The following SIPA1L2 variants were observed in gnomAD, a reference collection of about 807,000 sequenced individuals.
SIPA1L2 encodes the protein signal induced proliferation associated 1 like 2.
A neutral mutation model predicts 163.9 loss-of-function variants in SIPA1L2; 56 were observed. The observed-to-expected ratio is 0.34, with a 90% CI of 0.28 to 0.43. The LOEUF is 0.43. SIPA1L2 is among the 20% of genes least tolerant of loss of function. The pLI, the probability that SIPA1L2 is intolerant of heterozygous loss-of-function variation, is 1.00. For missense variants in SIPA1L2, 1,974 were observed against 2,193.5 expected (o/e 0.90, Z 2.00); for synonymous variants, 877 against 865.7 (o/e 1.01, Z -0.23).
At chr1:232,608,169 C>T (rs1662062836) in intron 1 of SIPA1L2, among the ~76,000 whole-genome samples, 1 of 152,110 alleles carries the variant, frequency 6.6e-6, no homozygotes, top group African/African-American at 2.4e-5. Flanking sequence ...CCTCAGCCTC[C>T]TGAGTAGCTG....
At position 232,398,882 on chromosome 1, in the gene SIPA1L2, C is replaced by A; in HGVS notation, c.*245G>T. On this transcript the variant is annotated 3_prime_UTR_variant, in exon 23 of 23. Coordinates refer to ENST00000674635, the MANE Select transcript of SIPA1L2 (RefSeq NM_020808.5). ...TAAAAGAAAAAGGTCTCAACTGTCG[C>A]CAGGGTTTACATTCATCTTCACACC... The A allele has an allele frequency of 2.1e-6, 1 of 469,494 alleles. No homozygotes were observed. The highest frequency in any genetic ancestry group is 3.8e-6 in the Non-Finnish European group (1 of 264,224). The allele number at this position is 469,494 out of a possible 1,614,324, so 29.1% of individuals were successfully genotyped here.
intron 1 of SIPA1L2, among the ~76,000 whole-genome samples, chr1:232,593,129 T>C (rs1661051161): frequency 6.6e-6 from 1 of 152,222 alleles, no homozygotes; most frequent in African/African-American, 2.4e-5. Flanking sequence ...TTATTACATA[T>C]TGTATCACGT....
At chr1:232,466,638 A>C (rs1021519228) in intron 8 of SIPA1L2, among the ~76,000 whole-genome samples, 2 of 152,118 alleles carry the variant, frequency 1.3e-5, no homozygotes, top group Non-Finnish European at 2.9e-5. Context: ...AAAATACAAA[A>C]AAATTAGCCG....
At chr1:232,479,596 C>G in intron 7 of SIPA1L2, 31 bp downstream of exon 7, 1 of 1,564,124 alleles carries the variant, frequency 6.4e-7, no homozygotes, top group South Asian at 1.1e-5. Flanking sequence ...TCATACTCAG[C>G]GTAAAAAGCT....
rs1467063467 is a variant in SIPA1L2 at position 232,432,311 on chromosome 1, T to A, written c.4192A>T (p.Ile1398Phe). ...CTGCCCTCCGATTTCTTCCAGCCGA[T>A]GACATATTTGTTCACTGCCCCTTGT... is the stretch of plus-strand genomic sequence containing the variant. ...HRQGAVNKYV[I>F]GWKKSEGSPP... Residue 1398 changes from isoleucine to phenylalanine, a missense_variant, in exon 16 of 23, where the codon ATC becomes TTC. Ile to Phe is a conservative substitution (Grantham distance 21). This residue lies in a region of SIPA1L2 where 1,079 missense variants were observed against 1,150.7 expected (regional missense o/e 0.94). Coordinates refer to ENST00000674635, the MANE Select transcript of SIPA1L2 (RefSeq NM_020808.5). 1 of 1,614,208 alleles carries A rather than the reference T, an allele frequency of 6.2e-7. No individual in the cohort carries two copies. Among genetic ancestry groups the A allele is most frequent in the Non-Finnish European group, 8.5e-7 (1 of 1,180,036 alleles).
At chr1:232,612,584 C>T (rs1334538207) in intron 1 of SIPA1L2, among the ~76,000 whole-genome samples, 1 of 152,214 alleles carries the variant, frequency 6.6e-6, no homozygotes, top group African/African-American at 2.4e-5. Flanking sequence ...GAATTTCAGA[C>T]TTGCATGGGC....
At chr1:232,570,945 T>TAAAA (rs11300623) in intron 2 of SIPA1L2, among the ~76,000 whole-genome samples, 1 of 76,786 alleles carries the variant, frequency 1.3e-5, no homozygotes, top group African/African-American at 3.9e-5. Flanking sequence ...CCAGAAACTA[T>TAAAA]AAAAAAAAAA....
chr1:232,428,513 C>T lies in SIPA1L2; in HGVS notation c.4308G>A (p.Val1436=), dbSNP rs1558168075. 1.3e-6 allele frequency: 2 copies of T among 1,595,802 alleles called. No individual in the cohort carries two copies. The highest frequency in any genetic ancestry group is 1.7e-6 in the Non-Finnish European group (2 of 1,172,732). Residue 1436 remains valine (V), a synonymous_variant, in exon 17 of 23, where the codon GTG becomes GTA. Coordinates refer to ENST00000674635, the MANE Select transcript of SIPA1L2 (RefSeq NM_020808.5). ...GAGTCTCTGCAACAGCATCTCCCAC[C>T]ACTGTCTGATGCTGAGTTGCTGTGG... The part of the protein sequence containing the change: ...VMSTATQHQT[V]VGDAVAETQH...
chr1:232,454,940 C>CA (rs1663808579), intron 10 of SIPA1L2, among the ~76,000 whole-genome samples: 1 of 152,192 alleles, frequency 6.6e-6, no homozygotes, highest in African/African-American at 2.4e-5. Context: ...CCTTGAAAGT[C>CA]AGATTACATC....
chr1:232,402,403 C>G lies in SIPA1L2; in HGVS notation c.5011G>C (p.Asp1671His). Residue 1671 changes from aspartate to histidine, a missense_variant, in exon 22 of 23, where the codon GAC (aspartate) becomes CAC (histidine). This residue lies in a region of SIPA1L2 where 1,079 missense variants were observed against 1,150.7 expected (regional missense o/e 0.94). Transcript: ENST00000674635. ...LELILRQLQT[D>H]LRKEKQDKAV... ...TTCCAATTGATTACCTTCCGAAGGT[C>G]GGTCTGGAGTTGTCGAAGAATTAAT... The G allele has an allele frequency of 6.2e-7, 1 of 1,613,246 alleles. No homozygotes were observed. Among genetic ancestry groups the G allele is most frequent in the Non-Finnish European group, 8.5e-7 (1 of 1,179,426 alleles).
intron 10 of SIPA1L2, among the ~76,000 whole-genome samples, chr1:232,451,440 C>G (rs1350072131): frequency 2.0e-5 from 3 of 152,168 alleles, no homozygotes; most frequent in South Asian, 2.1e-4. Context: ...GTGGATGGGG[C>G]ACATGGCAAA....
rs1413445777 is a variant in SIPA1L2, at chr1:232,483,725, T to C, written c.1981+67A>G. On this transcript the variant is annotated intron_variant, in intron 6 of 22. Transcript: ENST00000674635. ...ACAGGAGGGCATGTGATCACTTACTTGGATTTATGAAGCATGCCTACCTTT... is the reference window on the plus strand; with the variant it reads ...ACAGGAGGGCATGTGATCACTTACTCGGATTTATGAAGCATGCCTACCTTT... The C allele has an allele frequency of 2.2e-5, 34 of 1,578,270 alleles. No individual in the cohort carries two copies. The East Asian group carries it at 7.7e-4, about 36-fold the overall frequency.
rs1665507111 is a variant in SIPA1L2, at chr1:232,483,799, G to A, written c.1974C>T (p.Asp658=). 1.2e-6 allele frequency: 2 copies of A among 1,613,702 alleles called. No homozygotes were observed. Among genetic ancestry groups the A allele is most frequent in the African/African-American group, 1.3e-5 (1 of 74,862 alleles). The change falls in exon 6 of 23, where the codon GAC becomes GAT. Residue 658 remains aspartate, a synonymous_variant. Transcript: ENST00000674635. ...KGFSKYRAQL[D]NKTDSTGTHS... ...CACAAACATTAAACTTACTCTTATT[G>A]TCTAGCTGAGCTCGATATTTACTAA...
At chr1:232,445,487 G>T (rs750437767) in intron 11 of SIPA1L2, 42 bp downstream of exon 11, 55 of 1,611,240 alleles carry the variant, frequency 3.4e-5, no homozygotes, top group Non-Finnish European at 4.4e-5. Flanking sequence ...TCACCCCAGT[G>T]ATTTACAAGG....
chr1:232,419,716 C>G (rs2102793099), intron 18 of SIPA1L2, among the ~76,000 whole-genome samples: 1 of 152,316 alleles, frequency 6.6e-6, no homozygotes, highest in Non-Finnish European at 1.5e-5. Context: ...CCTGAACAGC[C>G]TGAAGAACCA....
intron 7 of SIPA1L2, 143 bp downstream of exon 7, chr1:232,479,484 G>C (rs1293519283): frequency 1.5e-5 from 10 of 663,772 alleles, no homozygotes; most frequent in Non-Finnish European, 2.4e-5. Context: ...ACTTCCAAAT[G>C]ATCAAAGAGT....
rs1887051 is a variant in SIPA1L2 at position 232,479,912 on chromosome 1, T to G, written c.1982-182A>C. ...GTTTCTACCACTCCCGCTCCAGGAC[T>G]GTGGACTGAGAGGCTCCTTTCCTTC... On this transcript the variant is annotated intron_variant, in intron 6 of 22. Transcript: ENST00000674635. Among the ~76,000 whole-genome samples, 815 of 152,320 alleles carry G rather than the reference T, an allele frequency of 5.4e-3. 5 individuals are homozygous for G. The highest frequency in any genetic ancestry group is 0.01 in the Middle Eastern group (3 of 294).
chr1:232,483,547 A>ATC (rs1037850822), intron 6 of SIPA1L2, among the ~76,000 whole-genome samples: 18 of 152,328 alleles, frequency 1.2e-4, no homozygotes, highest in Admixed American at 1.2e-3. Flanking sequence ...ACACTGGGGA[A>ATC]TCTCTCTGCT....
intron 11 of SIPA1L2, among the ~76,000 whole-genome samples, chr1:232,445,123 C>T (rs1186214109): frequency 6.6e-6 from 1 of 152,238 alleles, no homozygotes; most frequent in Non-Finnish European, 1.5e-5. Flanking sequence ...CTTGGAACCT[C>T]TTAAAGTATT....
Sources: allele counts gnomAD v4.1 joint callset (sites outside exome capture counted in the v4.1 genomes callset), GRCh38; gene constraint gnomAD v4.1.1; regional missense constraint gnomAD v4.1.1; transcripts MANE v1.5; gene names NCBI Gene and HGNC (gene_info 2026-07-23, HGNC 2026-07-21).